ACADM: variants seen among roughly 807,000 people sequenced by gnomAD.
The protein encoded by ACADM is medium-chain specific acyl-CoA dehydrogenase, mitochondrial.
In ACADM, 49 loss-of-function variants were observed where a neutral mutation model predicts 58.9. The ratio of observed to expected loss-of-function variants is 0.83; its 90% CI spans 0.66 to 1.06. ACADM has a LOEUF of 1.06. ACADM is among the 50% of genes least tolerant of loss of function. The probability of loss-of-function intolerance (pLI) is 0.00; values close to 1 mark genes in which losing one functional copy is unlikely to be tolerated. For missense variants in ACADM, 496 were observed against 507.0 expected (o/e 0.98, Z 0.21); for synonymous variants, 160 against 157.7 (o/e 1.01, Z -0.11).
intron 10 of ACADM, among the ~76,000 whole-genome samples, chr1:75,759,875 C>T (rs1325618270): frequency 6.6e-6 from 1 of 151,624 alleles, no homozygotes; most frequent in Non-Finnish European, 1.5e-5. Flanking sequence ...TGGTCAGGCT[C>T]GTCTCAAACT....
intron 2 of ACADM, among the ~76,000 whole-genome samples, chr1:75,730,894 A>G (rs1308287781): frequency 6.6e-6 from 1 of 152,096 alleles, no homozygotes. Context: ...TAAAGCTGTG[A>G]TAGAGAGAAC....
chr1:75,726,059 T>C (rs11161465), intron 1 of ACADM, among the ~76,000 whole-genome samples: 42,997 of 152,120 alleles, frequency 0.28, 7,006 homozygotes, highest in East Asian at 0.69. Context: ...CACTTTGTTC[T>C]ATGTAACATA....
rs763505014 is a variant in ACADM, at chr1:75,724,838, G to A, written c.30+21G>A. On this transcript the variant is annotated intron_variant, in intron 1 of 11. Coordinates refer to ENST00000370841, the MANE Select transcript of ACADM (RefSeq NM_000016.6). ...GCAGGGTGAGAGGGAGCCCAGCGGT[G>A]CGGTGGGGCTGGAACATGGGTATTG... is the stretch of plus-strand genomic sequence containing the variant. 9 of 1,470,736 alleles carry A rather than the reference G, an allele frequency of 6.1e-6. No individual in the cohort carries two copies. The East Asian group carries it at 1.9e-4, about 31-fold the overall frequency. The allele number at this position is 1,470,736 out of a possible 1,614,324, so 91.1% of individuals were successfully genotyped here. A position where few individuals can be genotyped will look rare whatever the true frequency, so the allele number is the denominator to read the frequency against.
At position 75,743,553 on chromosome 1, in the gene ACADM, C is replaced by A. The variant is rs559923606; in HGVS notation, c.600-2253C>A. The A allele has an allele frequency of 2.9e-5, 47 of 1,600,986 alleles. No homozygotes were observed. In the African/African-American group the frequency reaches 5.1e-4, roughly 17 times the overall value. On this transcript the variant is annotated intron_variant, in intron 7 of 11. Coordinates refer to ENST00000370841, the MANE Select transcript of ACADM (RefSeq NM_000016.6). ...CGTACATCATGGGCTGCACCTCTAC[C>A]TTGCCTCCTATAGCCACTGGCTTGT...
At chr1:75,761,733 T>C (rs576451310) in intron 11 of ACADM, 2 of 258,266 alleles carry the variant, frequency 7.7e-6, no homozygotes, top group East Asian at 2.0e-4. Flanking sequence ...CTATTTAATT[T>C]ATTGTAACTA....
At chr1:75,731,045 G>T (rs1339689866) in intron 2 of ACADM, among the ~76,000 whole-genome samples, 1 of 151,932 alleles carries the variant, frequency 6.6e-6, no homozygotes, top group Non-Finnish European at 1.5e-5. Context: ...CCAGCACTTT[G>T]GGAGGCCGAG....
At chr1:75,743,831 C>G (rs1160650649) in intron 7 of ACADM, 6 of 1,414,616 alleles carry the variant, frequency 4.2e-6, no homozygotes, top group Non-Finnish European at 6.0e-6. Context: ...ACACTGATGT[C>G]AATATAATCC....
At chr1:75,743,436 G>T (rs1398684674) in intron 7 of ACADM, 2 of 1,610,168 alleles carry the variant, frequency 1.2e-6, no homozygotes, top group Non-Finnish European at 1.7e-6. Context: ...CAAAGAGGAG[G>T]ACTCTGGGAT....
intron 6 of ACADM, among the ~76,000 whole-genome samples, chr1:75,736,761 G>A (rs936072305): frequency 6.6e-6 from 1 of 152,116 alleles, no homozygotes; most frequent in East Asian, 1.9e-4. Flanking sequence ...AAAATACTGA[G>A]TATAGAAAAT....
intron 10 of ACADM, among the ~76,000 whole-genome samples, chr1:75,753,072 C>T (rs557394463): frequency 1.4e-4 from 21 of 152,296 alleles, no homozygotes; most frequent in Admixed American, 1.3e-3. Context: ...GACCCTGTCT[C>T]AAAACAACAA....
intron 8 of ACADM, among the ~76,000 whole-genome samples, chr1:75,748,932 TA>T (rs1452280378): frequency 6.6e-6 from 1 of 152,234 alleles, no homozygotes; most frequent in Non-Finnish European, 1.5e-5. Context: ...TTTTATTCAG[TA>T]GATTATTTTA....
At chr1:75,747,644 A>G (rs1024592599) in intron 8 of ACADM, among the ~76,000 whole-genome samples, 3 of 152,186 alleles carry the variant, frequency 2.0e-5, no homozygotes, top group African/African-American at 7.2e-5. Context: ...AAAATTAGCC[A>G]GTGGCAGTGG....
intron 7 of ACADM, chr1:75,744,204 G>A: frequency 6.4e-7 from 1 of 1,572,436 alleles, no homozygotes; most frequent in South Asian, 1.1e-5. Context: ...GAAGGAGGTT[G>A]TGAGGGCGAG....
At chr1:75,762,639 C>G in intron 11 of ACADM, 53 bp from the exon 12 acceptor site, 2 of 1,134,696 alleles carry the variant, frequency 1.8e-6, no homozygotes, top group Non-Finnish European at 2.7e-6. Context: ...TTGAATAAAT[C>G]AAAGTATTTA....
intron 10 of ACADM, among the ~76,000 whole-genome samples, chr1:75,753,435 A>T (rs1648315466): frequency 6.6e-6 from 1 of 151,278 alleles, no homozygotes. Context: ...TTTCTTAACC[A>T]AGTATTTCTT....
chr1:75,750,425 T>C, intron 9 of ACADM, 26 bp from the exon 10 acceptor site: 2 of 1,562,806 alleles, frequency 1.3e-6, no homozygotes, highest in Non-Finnish European at 1.8e-6. Flanking sequence ...CATGAACTTT[T>C]GCTTTATAAT....
Position 75,732,659 on chromosome 1 carries a change from A to C in ACADM, c.134A>C (p.Gln45Pro). The change falls in exon 3 of 12, where the codon CAG (glutamine) becomes CCG (proline). Residue 45 changes from glutamine to proline, a missense_variant. Gln to Pro is a moderately conservative substitution (Grantham distance 76). Transcript: ENST00000370841. ...TTTCCCTTAGAGTTCACCGAACAGC[A>C]GAAAGAATTTCAAGCTACTGCTCGT... Reference protein sequence around the residue: ...LGFSFEFTEQQKEFQATARKF... With the variant: ...LGFSFEFTEQPKEFQATARKF... The C allele has an allele frequency of 6.2e-7, 1 of 1,613,920 alleles. No individual in the cohort carries two copies. Among genetic ancestry groups the C allele is most frequent in the Non-Finnish European group, 8.5e-7 (1 of 1,179,834 alleles).
At chr1:75,730,120 C>T (rs1331932077) in intron 2 of ACADM, among the ~76,000 whole-genome samples, 6 of 152,050 alleles carry the variant, frequency 3.9e-5, no homozygotes, top group Non-Finnish European at 8.8e-5. Context: ...GTCTCGAACT[C>T]CTGGCCTCAA....
Position 75,743,496 on chromosome 1 carries a change from A to G in ACADM, c.600-2310A>G, listed in dbSNP as rs1647700107. 5.0e-6 allele frequency: 8 copies of G among 1,610,350 alleles called. No individual in the cohort carries two copies. The East Asian group carries it at 1.6e-4, about 31-fold the overall frequency. ...GGAGGAAAGTCACAGCCTCTCTGCC[A>G]TCAATCAGCCGGTGATCATAGGTCA... On this transcript the variant is annotated intron_variant, in intron 7 of 11. Transcript: ENST00000370841.
Sources: allele counts gnomAD v4.1 joint callset (sites outside exome capture counted in the v4.1 genomes callset), GRCh38; gene constraint gnomAD v4.1.1; transcripts MANE v1.5; gene names NCBI Gene and HGNC (gene_info 2026-07-23, HGNC 2026-07-21).